CYP2A13: variants seen among roughly 807,000 people sequenced by gnomAD.
CYP2A13 encodes the protein cytochrome P450 family 2 subfamily A member 13.
CYP2A13 carries 30 observed loss-of-function variants against 39.4 expected under a neutral mutation model. The observed-to-expected ratio is 0.76, with a 90% confidence interval of 0.57 to 1.03. The LOEUF (loss-of-function observed/expected upper bound fraction) is 1.03, where lower values mean the gene tolerates loss of function less well. CYP2A13 is among the 50% of genes least tolerant of loss of function. CYP2A13 has a pLI of 0.00. For missense variants in CYP2A13, 731 were observed against 648.4 expected (o/e 1.13, Z -1.38); for synonymous variants, 269 against 254.7 (o/e 1.06, Z -0.54).
At chr19:41,089,212 C>A (rs1219387662) in intron 2 of CYP2A13, 121 bp downstream of exon 2, 8 of 1,502,212 alleles carry the variant, frequency 5.3e-6, no homozygotes, top group Admixed American at 2.1e-5. Flanking sequence ...GTCTGGTCTT[C>A]TCTCCCCATC....
At chr19:41,092,312 TA>T (rs529985444) in intron 5 of CYP2A13, among the ~76,000 whole-genome samples, 1,359 of 53,778 alleles carry the variant, frequency 0.025, 7 homozygotes, top group Non-Finnish European at 0.034. Flanking sequence ...CAAGACCCTG[TA>T]AAAAAAAAAA....
In CYP2A13 at chr19:41,090,271, G is replaced by A. The variant is rs1219974717; in HGVS notation, c.493+75G>A. 3.2e-6 allele frequency: 5 copies of A among 1,557,682 alleles called. 1 individual carries two copies. The highest frequency in any genetic ancestry group is 4.3e-6 in the Non-Finnish European group (5 of 1,151,824). On this transcript the variant is annotated intron_variant, in intron 3 of 8. Transcript: ENST00000330436. ...GGGGATGGGGACTAGGTGGGGAAAG[G>A]GGCCCGCACTTCCAGCCCTGGAGTC...
intron 2 of CYP2A13, among the ~76,000 whole-genome samples, chr19:41,089,529 T>A (rs1020060724): frequency 2.6e-4 from 39 of 152,100 alleles, no homozygotes; most frequent in Admixed American, 2.6e-3. Context: ...ATCTCCAGCC[T>A]CCAACTCCTG....
chr19:41,094,307 C>G lies in CYP2A13; in HGVS notation c.1036C>G (p.Arg346Gly). 1 of 1,614,076 alleles carries G rather than the reference C, an allele frequency of 6.2e-7. No individual in the cohort carries two copies. The highest frequency in any genetic ancestry group is 8.5e-7 in the Non-Finnish European group (1 of 1,180,000). The change falls in exon 7 of 9, where the codon CGG (arginine) becomes GGG (glycine). Residue 346 changes from arginine (R) to glycine (G), a missense_variant. By Grantham distance (125) the Arg-to-Gly change is moderately radical. Coordinates refer to ENST00000330436, the MANE Select transcript of CYP2A13 (RefSeq NM_000766.5). The part of the protein sequence containing the change: ...GKNRQPKFED[R>G]AKMPYTEAVI... ...GAACCGGCAGCCCAAGTTTGAGGACCGGGCCAAGATGCCCTACACAGAGGC... is the reference window on the plus strand; with the variant it reads ...GAACCGGCAGCCCAAGTTTGAGGACGGGGCCAAGATGCCCTACACAGAGGC...
At position 41,088,582 on chromosome 19, in the gene CYP2A13, CA is replaced by C; in HGVS notation, c.112del (p.Thr38ProfsTer12). 6.2e-7 allele frequency: 1 copy of C among 1,614,016 alleles called. No individual in the cohort carries two copies. Among genetic ancestry groups the C allele is most frequent in the Non-Finnish European group, 8.5e-7 (1 of 1,179,926 alleles). On this transcript the variant is annotated frameshift_variant, in exon 1 of 9. Coordinates refer to ENST00000330436, the MANE Select transcript of CYP2A13 (RefSeq NM_000766.5). LOFTEE classifies it high-confidence loss of function. ...KSRGKLPPGPTPLPFIGNYLQ... is the reference protein window; with the variant it reads ...KSRGKLPPGPXPLPFIGNYLQ... The stretch of plus-strand genomic sequence containing the variant: ...GCAGGGGGAAGCTGCCTCCGGGACC[CA>C]CCCCATTGCCCTTCATTGGAAACTA...
chr19:41,088,666 G>A lies in CYP2A13; in HGVS notation c.180+15G>A, dbSNP rs781091195. On this transcript the variant is annotated intron_variant, in intron 1 of 8. Transcript: ENST00000330436. ...CCCTCATGAAGGTGTCCTAAGGCAGGGAGATGGGTGGCACGGGGTGGGGGC... is the reference window on the plus strand; with the variant it reads ...CCCTCATGAAGGTGTCCTAAGGCAGAGAGATGGGTGGCACGGGGTGGGGGC... 3 of 1,607,456 alleles carry A rather than the reference G, an allele frequency of 1.9e-6. No homozygotes were observed. The highest frequency in any genetic ancestry group is 2.6e-6 in the Non-Finnish European group (3 of 1,175,704).
At chr19:41,094,875 C>G (rs10425590) in intron 7 of CYP2A13, 84 bp from the exon 8 acceptor site, 125,282 of 1,527,944 alleles carry the variant, frequency 0.082, 5,610 homozygotes, top group African/African-American at 0.12. Flanking sequence ...ACCTGGGGCA[C>G]CCTAGTTCCC....
At position 41,088,575 on chromosome 19, in the gene CYP2A13, C is replaced by T. The variant is rs780163108; in HGVS notation, c.104C>T (p.Pro35Leu). ...AGGAAGAGCAGGGGGAAGCTGCCTC[C>T]GGGACCCACCCCATTGCCCTTCATT... ...RQRKSRGKLP[P>L]GPTPLPFIGN... Residue 35 changes from proline to leucine, a missense_variant, in exon 1 of 9, where the codon CCG (proline) becomes CTG (leucine). Transcript: ENST00000330436. The T allele has an allele frequency of 3.2e-5, 52 of 1,613,880 alleles. No homozygotes were observed. In the Middle Eastern group the frequency reaches 6.6e-4, roughly 20 times the overall value.
intron 3 of CYP2A13, 92 bp downstream of exon 3, chr19:41,090,288 C>G: frequency 6.4e-7 from 1 of 1,573,336 alleles, no homozygotes; most frequent in South Asian, 1.2e-5. Context: ...CACTTCCAGC[C>G]CTGGAGTCTG....
At position 41,095,006 on chromosome 19, in the gene CYP2A13, G is replaced by C. The variant is rs113962713; in HGVS notation, c.1209G>C (p.Arg403Ser). 134 of 1,614,064 alleles carry C rather than the reference G, an allele frequency of 8.3e-5. 1 individual carries two copies. In the African/African-American group the frequency reaches 1.4e-3, roughly 17 times the overall value. The stretch of plus-strand genomic sequence containing the variant: ...TGGGCTCCGTGCTGAGAGACCCCAG[G>C]TTCTTCTCCAACCCCCGGGACTTCA... ...PMLGSVLRDPRFFSNPRDFNP... is the reference protein window; with the variant it reads ...PMLGSVLRDPSFFSNPRDFNP... Residue 403 changes from arginine (R) to serine (S), a missense_variant, in exon 8 of 9, where the codon AGG (arginine) becomes AGC (serine). By Grantham distance (110) the Arg-to-Ser change is moderately radical. Transcript: ENST00000330436.
rs559504306 is a variant in CYP2A13 at position 41,095,765 on chromosome 19, C to T, written c.1309C>T (p.Arg437Trp). Residue 437 changes from arginine (R) to tryptophan (W), a missense_variant, in exon 9 of 9, where the codon CGG (arginine) becomes TGG (tryptophan). Coordinates refer to ENST00000330436, the MANE Select transcript of CYP2A13 (RefSeq NM_000766.5). ...DAFVPFSIGK[R>W]YCFGEGLARM... ...CTCCTGCCTCTCCTCCTCAGGAAAG[C>T]GGTACTGTTTTGGAGAAGGCCTGGC... 9 of 1,614,044 alleles carry T rather than the reference C, an allele frequency of 5.6e-6. No individual in the cohort carries two copies. In the African/African-American group the frequency reaches 8.0e-5, roughly 14 times the overall value.
At chr19:41,093,843 C>G in intron 6 of CYP2A13, 72 bp downstream of exon 6, 1 of 1,549,288 alleles carries the variant, frequency 6.5e-7, no homozygotes, top group East Asian at 2.3e-5. Context: ...TGCAGTGTAC[C>G]CACCTATCCC....
chr19:41,093,496 C>T (rs1287587956), intron 5 of CYP2A13, 134 bp from the exon 6 acceptor site: 62 of 1,048,118 alleles, frequency 5.9e-5, no homozygotes, highest in Non-Finnish European at 7.9e-5. Context: ...GAACCTGGAG[C>T]GAGTTTGGCA....
rs1407277928 is a variant in CYP2A13 at position 41,093,676 on chromosome 19, T to C, written c.878T>C (p.Met293Thr). The change falls in exon 6 of 9, where the codon ATG becomes ACG. Residue 293 changes from methionine to threonine, a missense_variant. Met to Thr is a moderately conservative substitution (Grantham distance 81). Transcript: ENST00000330436. ...NTEFYLKNLVMTTLNLFFAGT... is the reference protein window; with the variant it reads ...NTEFYLKNLVTTTLNLFFAGT... ...GAGTTCTACTTGAAGAACCTGGTGA[T>C]GACCACCCTGAACCTCTTCTTTGCG... The C allele has an allele frequency of 4.3e-6, 7 of 1,614,024 alleles. No individual in the cohort carries two copies. Among genetic ancestry groups the C allele is most frequent in the Non-Finnish European group, 4.2e-6 (5 of 1,180,024 alleles).
At chr19:41,092,415 G>GC (rs2031213442) in intron 5 of CYP2A13, among the ~76,000 whole-genome samples, 1 of 149,252 alleles carries the variant, frequency 6.7e-6, no homozygotes, top group Admixed American at 6.7e-5. Flanking sequence ...CACGACTTAT[G>GC]CACGTGCATT....
rs1260482039 is a variant in CYP2A13 at position 41,095,748 on chromosome 19, TCTC to T, written c.1304-5_1304-3del. 6.2e-7 allele frequency: 1 copy of T among 1,613,786 alleles called. No homozygotes were observed. Among genetic ancestry groups the T allele is most frequent in the Admixed American group, 1.7e-5 (1 of 60,008 alleles). On this transcript the variant is annotated splice_polypyrimidine_tract_variant and intron_variant, in intron 8 of 8. Transcript: ENST00000330436. ...GGGCTTCACCTTCACCCCTCCTGCCTCTCCTCCTCAGGAAAGCGGTACTGTTTT... is the reference window on the plus strand; with the variant it reads ...GGGCTTCACCTTCACCCCTCCTGCCTCTCCTCAGGAAAGCGGTACTGTTTT...
In CYP2A13 at chr19:41,088,584, C is replaced by T; in HGVS notation, c.113C>T (p.Thr38Ile). 2 of 1,614,022 alleles carry T rather than the reference C, an allele frequency of 1.2e-6. No homozygotes were observed. The highest frequency in any genetic ancestry group is 2.7e-5 in the African/African-American group (2 of 75,036). The change falls in exon 1 of 9, where the codon ACC becomes ATC. Residue 38 changes from threonine to isoleucine, a missense_variant. Thr to Ile is a moderately conservative substitution (Grantham distance 89). Coordinates refer to ENST00000330436, the MANE Select transcript of CYP2A13 (RefSeq NM_000766.5). ...AGGGGGAAGCTGCCTCCGGGACCCA[C>T]CCCATTGCCCTTCATTGGAAACTAC... ...KSRGKLPPGP[T>I]PLPFIGNYLQ...
At position 41,090,566 on chromosome 19, in the gene CYP2A13, T is replaced by C. The variant is rs2031168171; in HGVS notation, c.654+2T>C. 1 of 1,613,848 alleles carries C rather than the reference T, an allele frequency of 6.2e-7. No individual in the cohort carries two copies. The highest frequency in any genetic ancestry group is 8.5e-7 in the Non-Finnish European group (1 of 1,179,926). ...TTCACGGCAACCTCCACGGGGCAGG[T>C]AACTGGCTGCAGCCCGCCAGTGACG... On this transcript the variant is annotated splice_donor_variant, in intron 4 of 8. Transcript: ENST00000330436. LOFTEE classifies it high-confidence loss of function.
chr19:41,094,382 G>GGGGA lies in CYP2A13; in HGVS notation c.1111_1112insGGGA (p.Ala371GlyfsTer18). 1 of 1,614,038 alleles carries GGGGA rather than the reference G, an allele frequency of 6.2e-7. No homozygotes were observed. The highest frequency in any genetic ancestry group is 2.2e-5 in the East Asian group (1 of 44,872). Reference sequence around the variant, plus strand: ...TGGAGACATGCTCCCCATGGGTTTGGCCCACAGGGTCAACAAGGACACCAA... The same window carrying GGGGA: ...TGGAGACATGCTCCCCATGGGTTTGGGGGACCCACAGGGTCAACAAGGACACCAA... On this transcript the variant is annotated frameshift_variant, in exon 7 of 9. Coordinates refer to ENST00000330436, the MANE Select transcript of CYP2A13 (RefSeq NM_000766.5). LOFTEE classifies it high-confidence loss of function.
Sources: gnomAD v4.1 joint callset for allele counts (sites outside exome capture counted in the v4.1 genomes callset) on GRCh38, gnomAD v4.1.1 for gene constraint, MANE v1.5 for transcripts, NCBI Gene and HGNC (gene_info 2026-07-23, HGNC 2026-07-21) for gene names.